MAN1C1: variants seen among roughly 807,000 people sequenced by gnomAD.
The protein encoded by MAN1C1 is mannosidase alpha class 1C member 1, also known as mannosyl-oligosaccharide 1,2-alpha-mannosidase IC.
MAN1C1 carries 49 observed loss-of-function variants against 71.5 expected under a neutral mutation model. The ratio of observed to expected loss-of-function variants is 0.69; its 90% CI spans 0.54 to 0.87. The LOEUF (loss-of-function observed/expected upper bound fraction) is 0.87. Ranked by LOEUF, MAN1C1 falls within the 40% of genes least tolerant of loss-of-function variation. MAN1C1 has a pLI of 0.00. For synonymous variants in MAN1C1, 352 were observed against 343.7 expected (o/e 1.02, Z -0.27); for missense variants, 743 against 835.0 (o/e 0.89, Z 1.36).
At chr1:25,712,877 C>G (rs1048040093) in intron 2 of MAN1C1, among the ~76,000 whole-genome samples, 1 of 152,092 alleles carries the variant, frequency 6.6e-6, no homozygotes, top group Non-Finnish European at 1.5e-5. Context: ...TGCCAAGACC[C>G]CAGCTGGAAT....
At chr1:25,763,193 G>A (rs1245747977) in intron 6 of MAN1C1, among the ~76,000 whole-genome samples, 4 of 152,110 alleles carry the variant, frequency 2.6e-5, no homozygotes, top group African/African-American at 7.2e-5. Flanking sequence ...ACTTGAACCC[G>A]GGAGGTGGAG....
chr1:25,618,047 C>A lies in MAN1C1; in HGVS notation c.250C>A (p.Pro84Thr). The change falls in exon 1 of 12, where the codon CCG (proline) becomes ACG (threonine). Residue 84 changes from proline to threonine, a missense_variant. Physicochemically the swap from Pro to Thr is conservative, Grantham distance 38 (BLOSUM62 -1). Transcript: ENST00000374332. ...CCGCGAGCAGGAGCCGCCTCCCAAC[C>A]CGGCCCCCGCCGCGCCGGCCCCGGG... is the stretch of plus-strand genomic sequence containing the variant. Reference protein sequence around the residue: ...PAREQEPPPNPAPAAPAPGED... With the variant: ...PAREQEPPPNTAPAAPAPGED... 6.4e-7 allele frequency: 1 copy of A among 1,567,818 alleles called. No individual in the cohort carries two copies.
chr1:25,668,032 G>T (rs2045946909), intron 1 of MAN1C1, among the ~76,000 whole-genome samples: 1 of 152,096 alleles, frequency 6.6e-6, no homozygotes, highest in Non-Finnish European at 1.5e-5. Flanking sequence ...TCTCTCTCCT[G>T]GGGTGAACTG....
intron 2 of MAN1C1, chr1:25,709,682 T>G (rs2046576643): frequency 6.6e-6 from 1 of 152,184 alleles, no homozygotes; most frequent in Non-Finnish European, 1.5e-5. Flanking sequence ...ATACTGTCAG[T>G]CTTCGTAACG....
chr1:25,713,882 T>C (rs1296829930), intron 2 of MAN1C1, among the ~76,000 whole-genome samples: 1 of 152,188 alleles, frequency 6.6e-6, no homozygotes, highest in Non-Finnish European at 1.5e-5. Flanking sequence ...AGGTTCCTCA[T>C]GCACTTGCAA....
intron 8 of MAN1C1, 104 bp downstream of exon 8, chr1:25,771,876 C>T (rs1490369608): frequency 2.5e-6 from 2 of 802,578 alleles, no homozygotes; most frequent in Admixed American, 4.0e-5. Context: ...TGGGCCGAGA[C>T]TTGCTCCCAC....
chr1:25,654,782 G>A (rs2045740297), intron 1 of MAN1C1, among the ~76,000 whole-genome samples: 2 of 152,056 alleles, frequency 1.3e-5, no homozygotes, highest in Admixed American at 1.3e-4. Flanking sequence ...GAGTAGCTGG[G>A]ACTACAGGCA....
chr1:25,657,067 C>T (rs2045778955), intron 1 of MAN1C1, among the ~76,000 whole-genome samples: 1 of 152,146 alleles, frequency 6.6e-6, no homozygotes, highest in Non-Finnish European at 1.5e-5. Flanking sequence ...CCTCATGATC[C>T]ACCCTCCTTG....
rs2047626044 is a variant in MAN1C1 at position 25,776,892 on chromosome 1, C to T, written c.1258-1213C>T. On this transcript the variant is annotated intron_variant, in intron 8 of 11. Transcript: ENST00000374332. The surrounding 1 kb of genome is among the most constrained non-coding windows in gnomAD (Gnocchi z 4.3). ...TCCTGCAGGCATATCTCATTTAATT[C>T]TCACAACCCTATGAGGCAGTTAATG... 6.6e-6 allele frequency among the ~76,000 whole-genome samples: 1 copy of T among 152,154 alleles called. No individual in the cohort carries two copies. Among genetic ancestry groups the T allele is most frequent in the Non-Finnish European group, 1.5e-5 (1 of 68,036 alleles).
chr1:25,750,578 G>T (rs1224101078), intron 4 of MAN1C1, among the ~76,000 whole-genome samples: 1 of 152,218 alleles, frequency 6.6e-6, no homozygotes, highest in Non-Finnish European at 1.5e-5. Flanking sequence ...GGTGCCAGGG[G>T]CTGAAGTCAA....
At position 25,725,424 on chromosome 1, in the gene MAN1C1, A is replaced by G. The variant is rs1223441247; in HGVS notation, c.638-21244A>G. The stretch of plus-strand genomic sequence containing the variant: ...CTACGGGAATACAGAGGAAGGAGCC[A>G]CTGATTCTGCCTCTGGGAACTTCAC... On this transcript the variant is annotated intron_variant, in intron 2 of 11. Coordinates refer to ENST00000374332, the MANE Select transcript of MAN1C1 (RefSeq NM_020379.4). This position sits in a 1 kb window ranked among gnomAD's most constrained non-coding sequence, Gnocchi z 4.8. Among the ~76,000 whole-genome samples the G allele has an allele frequency of 6.6e-6, 1 of 152,234 alleles. No homozygotes were observed. The highest frequency in any genetic ancestry group is 1.5e-5 in the Non-Finnish European group (1 of 68,032).
intron 1 of MAN1C1, among the ~76,000 whole-genome samples, chr1:25,627,998 G>A (rs1404202148): frequency 1.3e-5 from 2 of 152,184 alleles, no homozygotes; most frequent in African/African-American, 2.4e-5. Context: ...AGTGAGCCAT[G>A]ATTGCAACAC....
chr1:25,738,715 G>A (rs538262224), intron 2 of MAN1C1, among the ~76,000 whole-genome samples: 1 of 152,286 alleles, frequency 6.6e-6, no homozygotes, highest in South Asian at 2.1e-4. Context: ...AACCTCAGAT[G>A]GGACTGTCAG....
chr1:25,748,934 AAGCTCCAGCCAGC>A (rs1456313565), intron 3 of MAN1C1, among the ~76,000 whole-genome samples: 1 of 152,188 alleles, frequency 6.6e-6, no homozygotes, highest in Non-Finnish European at 1.5e-5. Context: ...CCCTCAGTCT[AAGCTCCAGCCAGC>A]AGCTCTCCCG....
chr1:25,773,411 A>G (rs576074819), intron 8 of MAN1C1, among the ~76,000 whole-genome samples: 1 of 152,246 alleles, frequency 6.6e-6, no homozygotes, highest in East Asian at 1.9e-4. Context: ...GACCCTTTAA[A>G]CTGTAGGCTC....
rs1411378609 is a variant in MAN1C1, at chr1:25,746,209, G to A, written c.638-459G>A. 1.3e-5 allele frequency among the ~76,000 whole-genome samples: 2 copies of A among 152,200 alleles called. No homozygotes were observed. The highest frequency in any genetic ancestry group is 2.9e-5 in the Non-Finnish European group (2 of 68,034). ...GGTCCCAGCTACTTGGGAGGCTGAG[G>A]TGGGAGAATCGCTTGAACCTGGGAG... is the stretch of plus-strand genomic sequence containing the variant. On this transcript the variant is annotated intron_variant, in intron 2 of 11. Coordinates refer to ENST00000374332, the MANE Select transcript of MAN1C1 (RefSeq NM_020379.4). The surrounding 1 kb of genome is among the most constrained non-coding windows in gnomAD (Gnocchi z 4.0).
At chr1:25,682,704 C>CT (rs1465355474) in intron 1 of MAN1C1, among the ~76,000 whole-genome samples, 1 of 152,076 alleles carries the variant, frequency 6.6e-6, no homozygotes, top group African/African-American at 2.4e-5. Context: ...TCAAATGGGC[C>CT]TGGGAAGGTG....
chr1:25,729,828 A>G (rs1232437381), intron 2 of MAN1C1, among the ~76,000 whole-genome samples: 3 of 151,982 alleles, frequency 2.0e-5, no homozygotes, highest in East Asian at 1.9e-4. Context: ...CATTTTCTAG[A>G]TGAGGAACCC....
intron 1 of MAN1C1, among the ~76,000 whole-genome samples, chr1:25,651,456 A>G (rs1209182428): frequency 2.6e-5 from 4 of 152,178 alleles, no homozygotes; most frequent in Non-Finnish European, 4.4e-5. Context: ...TCCTGTTTCC[A>G]TTCTGCCCTG....
Sources: gnomAD v4.1 joint callset for allele counts (sites outside exome capture counted in the v4.1 genomes callset) on GRCh38, gnomAD v4.1.1 for gene constraint, Gnocchi (gnomAD v3.1) non-coding constraint, MANE v1.5 for transcripts, NCBI Gene and HGNC (gene_info 2026-07-23, HGNC 2026-07-21) for gene names.